Variants in KDELR3 observed in about 807,000 individuals in gnomAD.
KDELR3 encodes KDEL endoplasmic reticulum protein retention receptor 3.
A neutral mutation model predicts 22.7 loss-of-function variants in KDELR3; 26 were observed. The observed-to-expected ratio is 1.15, with a 90% CI of 0.84 to 1.59. The LOEUF is 1.59. Among genes scored for constraint, KDELR3 ranks in the 40% most tolerant of loss-of-function variants. KDELR3 has a pLI of 0.00. For missense variants in KDELR3, 289 were observed against 251.1 expected, an observed-to-expected ratio of 1.15 and a Z score of -1.02; for synonymous variants, 120 against 98.2, an observed-to-expected ratio of 1.22 and a Z score of -1.31.
At chr22:38,482,298 T>TG (rs1569134404) in intron 4 of KDELR3, among the ~76,000 whole-genome samples, 198 bp from the exon 5 acceptor site, 1 of 152,134 alleles carries the variant, frequency 6.6e-6, no homozygotes, top group Non-Finnish European at 1.5e-5. Flanking sequence ...AGTTTACAGC[T>TG]GGGGGGAAGG....
intron 2 of KDELR3, among the ~76,000 whole-genome samples, chr22:38,478,086 G>A (rs1488853084): frequency 6.6e-6 from 1 of 152,138 alleles, no homozygotes; most frequent in Admixed American, 6.5e-5. Flanking sequence ...GGGCTAAAAT[G>A]AGTATGTTCA....
In KDELR3 at chr22:38,481,442, C is replaced by T. The variant is rs1205170345; in HGVS notation, c.582C>T (p.Phe194=). The change falls in exon 4 of 5, where the codon TTC becomes TTT. Residue 194 remains phenylalanine (F), a synonymous_variant. Transcript: ENST00000216014. The stretch of plus-strand genomic sequence containing the variant: ...TACAAACCATCTTCTACTGTGACTT[C>T]TTCTACTTGTATGTGACCAAAGGTA... ...GVVQTIFYCD[F]FYLYVTKVLK... 6.2e-7 allele frequency: 1 copy of T among 1,614,134 alleles called. No homozygotes were observed. The highest frequency in any genetic ancestry group is 2.2e-5 in the East Asian group (1 of 44,886).
chr22:38,481,542 C>G, intron 4 of KDELR3, 78 bp downstream of exon 4: 4 of 1,593,698 alleles, frequency 2.5e-6, no homozygotes, highest in Middle Eastern at 1.7e-4. Context: ...CCAGCAGATA[C>G]AGATGTGAAC....
intron 1 of KDELR3, among the ~76,000 whole-genome samples, chr22:38,473,442 A>C (rs777836249): frequency 1.7e-5 from 2 of 115,042 alleles, no homozygotes; most frequent in Non-Finnish European, 4.3e-5. Context: ...CCCTTTCTCT[A>C]AAAAGAAAAA....
At position 38,468,256 on chromosome 22, in the gene KDELR3, G is replaced by A. The variant is rs1329815784; in HGVS notation, c.23G>A (p.Gly8Asp). The A allele has an allele frequency of 6.2e-7, 1 of 1,613,770 alleles. No homozygotes were observed. Among genetic ancestry groups the A allele is most frequent in the East Asian group, 2.2e-5 (1 of 44,872 alleles). The change falls in exon 1 of 5, where the codon GGC becomes GAC. Residue 8 changes from glycine (G) to aspartate (D), a missense_variant. Gly to Asp is a moderately conservative substitution (Grantham distance 94). Coordinates refer to ENST00000216014, the MANE Select transcript of KDELR3 (RefSeq NM_006855.4). MNVFRIL[G>D]DLSHLLAMIL... ...ACCATGAACGTGTTCCGAATCCTCGGCGACCTGAGCCACCTCCTGGCCATG... is the reference window on the plus strand; with the variant it reads ...ACCATGAACGTGTTCCGAATCCTCGACGACCTGAGCCACCTCCTGGCCATG...
At position 38,476,455 on chromosome 22, in the gene KDELR3, T is replaced by C. The variant is rs375490413; in HGVS notation, c.192+1832T>C. Among the ~76,000 whole-genome samples the C allele has an allele frequency of 1.2e-4, 19 of 152,274 alleles. 1 individual carries two copies. The East Asian group carries it at 3.1e-3, about 25-fold the overall frequency. On this transcript the variant is annotated intron_variant, in intron 2 of 4. Coordinates refer to ENST00000216014, the MANE Select transcript of KDELR3 (RefSeq NM_006855.4). Reference sequence around the variant, plus strand: ...GGATGGTCTCGATCTCCTGACCTTGTTATCTGCCCGCCTCGGCCTCCCGAA... The same window carrying C: ...GGATGGTCTCGATCTCCTGACCTTGCTATCTGCCCGCCTCGGCCTCCCGAA...
rs1260427212 is a variant in KDELR3, at chr22:38,482,952, A to C, written c.*416A>C. 2 of 166,964 alleles carry C rather than the reference A, an allele frequency of 1.2e-5. No homozygotes were observed. Among genetic ancestry groups the C allele is most frequent in the Admixed American group, 1.3e-4 (2 of 15,976 alleles). The allele number at this position is 166,964 out of a possible 1,614,324, so 10.3% of individuals were successfully genotyped here. A position where few individuals can be genotyped will look rare whatever the true frequency, so the allele number is the denominator to read the frequency against. Reference sequence around the variant, plus strand: ...AAAATATTAGGGTACGTTCTTGTGAATTTCCACTTTCCAGGTAGATGACCA... The same window carrying C: ...AAAATATTAGGGTACGTTCTTGTGACTTTCCACTTTCCAGGTAGATGACCA... On this transcript the variant is annotated 3_prime_UTR_variant, in exon 5 of 5. Coordinates refer to ENST00000216014, the MANE Select transcript of KDELR3 (RefSeq NM_006855.4).
In KDELR3 at chr22:38,481,344, T is replaced by G; in HGVS notation, c.484T>G (p.Tyr162Asp). The G allele has an allele frequency of 1.2e-6, 2 of 1,614,212 alleles. No individual in the cohort carries two copies. The highest frequency in any genetic ancestry group is 1.7e-6 in the Non-Finnish European group (2 of 1,180,038). The stretch of plus-strand genomic sequence containing the variant: ...CTTTCTGGGTCTGTACCGGGCACTC[T>G]ACCTGGCTAACTGGATCAGGCGGTA... The part of the protein sequence containing the change: ...LFFLGLYRAL[Y>D]LANWIRRYQT... The change falls in exon 4 of 5, where the codon TAC becomes GAC. Residue 162 changes from tyrosine (Y) to aspartate (D), a missense_variant. By Grantham distance (160) the Tyr-to-Asp change is radical. Transcript: ENST00000216014.
At position 38,479,579 on chromosome 22, in the gene KDELR3, C is replaced by T. The variant is rs528692609; in HGVS notation, c.193-14C>T. The T allele has an allele frequency of 2.6e-5, 42 of 1,609,028 alleles. No individual in the cohort carries two copies. In the South Asian group the frequency reaches 4.6e-4, roughly 18 times the overall value. On this transcript the variant is annotated splice_polypyrimidine_tract_variant and intron_variant, in intron 2 of 4. Transcript: ENST00000216014. ...CTTCATAGATTCGATTCCCATGTCTCTCTCCCCTTTTAGGTGGTTTTTCTC... is the reference window on the plus strand; with the variant it reads ...CTTCATAGATTCGATTCCCATGTCTTTCTCCCCTTTTAGGTGGTTTTTCTC...
At chr22:38,480,074 T>C (rs542688860) in intron 3 of KDELR3, among the ~76,000 whole-genome samples, 1 of 152,324 alleles carries the variant, frequency 6.6e-6, no homozygotes, top group Admixed American at 6.5e-5. Flanking sequence ...AAGTTTGGAC[T>C]GTGGCCCATG....
rs577967921 is a variant in KDELR3 at position 38,479,962 on chromosome 22, G to T, written c.351+211G>T. Among the ~76,000 whole-genome samples the T allele has an allele frequency of 2.0e-5, 3 of 152,254 alleles. No homozygotes were observed. The East Asian group carries it at 5.8e-4, about 29-fold the overall frequency. ...GTCATGATGCCCATAAACCAAGCAG[G>T]CATCACAGCCCTACTTCTGGCTGTT... On this transcript the variant is annotated intron_variant, in intron 3 of 4. Coordinates refer to ENST00000216014, the MANE Select transcript of KDELR3 (RefSeq NM_006855.4).
chr22:38,476,686 G>A (rs1176187706), intron 2 of KDELR3, among the ~76,000 whole-genome samples: 2 of 151,624 alleles, frequency 1.3e-5, no homozygotes, highest in South Asian at 2.1e-4. Flanking sequence ...CACCACGCCC[G>A]GCTACTTTTT....
chr22:38,475,121 TAGCTC>T (rs954941970), intron 2 of KDELR3, among the ~76,000 whole-genome samples: 7 of 150,472 alleles, frequency 4.7e-5, no homozygotes, highest in African/African-American at 1.7e-4. Flanking sequence ...TACCATTACT[TAGCTC>T]AGAGGGTTTG....
At chr22:38,478,507 C>A (rs2089574995) in intron 2 of KDELR3, among the ~76,000 whole-genome samples, 2 of 138,302 alleles carry the variant, frequency 1.4e-5, no homozygotes, top group Middle Eastern at 3.9e-3. Context: ...TGCACTCCAG[C>A]CTGGGCGACA....
In KDELR3 at chr22:38,468,323, G is replaced by A. The variant is rs751722607; in HGVS notation, c.90G>A (p.Lys30=). Residue 30 remains lysine, a splice_region_variant and synonymous_variant, in exon 1 of 5, where the codon AAG becomes AAA. Transcript: ENST00000216014. The part of the protein sequence containing the change: ...LGKIWRSKCC[K]GISGKSQILF... The stretch of plus-strand genomic sequence containing the variant: ...AGATCTGGAGGTCCAAGTGCTGCAA[G>A]GGTGAGGGGCGCCTGGCAGGGAGGT... The A allele has an allele frequency of 2.8e-5, 45 of 1,613,480 alleles. 1 individual carries two copies. In the African/African-American group the frequency reaches 3.6e-4, roughly 13 times the overall value.
rs2089605442 is a variant in KDELR3, at chr22:38,481,899, A to T, written c.604+435A>T. Among the ~76,000 whole-genome samples, 3 of 152,228 alleles carry T rather than the reference A, an allele frequency of 2.0e-5. No individual in the cohort carries two copies. In the South Asian group the frequency reaches 6.2e-4, roughly 31 times the overall value. ...ACTGAAGAATTGTCGTGGGCCACAC[A>T]TAAAATACACTGATAGCTTATGAGC... On this transcript the variant is annotated intron_variant, in intron 4 of 4. Transcript: ENST00000216014.
rs758152725 is a variant in KDELR3, at chr22:38,481,300, T to TA, written c.442dup (p.Thr148AsnfsTer18). On this transcript the variant is annotated frameshift_variant, in exon 4 of 5. Coordinates refer to ENST00000216014, the MANE Select transcript of KDELR3 (RefSeq NM_006855.4). LOFTEE classifies it high-confidence loss of function. The stretch of plus-strand genomic sequence containing the variant: ...AGCAAGACTGGAGAGGCTGAGACCA[T>TA]AACTACTCACTACCTGTTCTTTCTG... 1.9e-6 allele frequency: 3 copies of TA among 1,614,048 alleles called. No individual in the cohort carries two copies. The highest frequency in any genetic ancestry group is 4.5e-5 in the East Asian group (2 of 44,894).
At chr22:38,481,681 A>G (rs1450854793) in intron 4 of KDELR3, 1 of 1,380,716 alleles carries the variant, frequency 7.2e-7, no homozygotes, top group East Asian at 2.5e-5. Context: ...CAGCTGTGAG[A>G]TGACATTTGA....
At chr22:38,477,092 T>G (rs2089565054) in intron 2 of KDELR3, among the ~76,000 whole-genome samples, 1 of 110,774 alleles carries the variant, frequency 9.0e-6, no homozygotes, top group Non-Finnish European at 1.9e-5. Context: ...TTTTTTTTTT[T>G]GTATTTTTAA....
Sources: gnomAD v4.1 joint callset for allele counts (sites outside exome capture counted in the v4.1 genomes callset) on GRCh38, gnomAD v4.1.1 for gene constraint, MANE v1.5 for transcripts, NCBI Gene and HGNC (gene_info 2026-07-23, HGNC 2026-07-21) for gene names.